Variants in TPO observed in about 807,000 individuals in gnomAD.
TPO encodes thyroid microsomal antigen.
A neutral mutation model predicts 96.9 loss-of-function variants in TPO; 78 were observed. The ratio of observed to expected loss-of-function variants is 0.81; its 90% CI spans 0.67 to 0.97. The LOEUF is 0.97. TPO is among the 50% of genes least tolerant of loss of function. The pLI is 0.00. For missense variants in TPO, 1,252 were observed against 1,274.8 expected, an observed-to-expected ratio of 0.98 and a Z score of 0.27; for synonymous variants, 547 against 538.0, an observed-to-expected ratio of 1.02 and a Z score of -0.23.
intron 15 of TPO, among the ~76,000 whole-genome samples, chr2:1,529,961 A>G (rs1378069811): frequency 2.9e-5 from 2 of 70,036 alleles, no homozygotes; most frequent in South Asian, 5.0e-4. Context: ...ACTCTGTGCA[A>G]CCTCCCGAAA....
chr2:1,496,662 G>A lies in TPO; in HGVS notation c.2283G>A (p.Arg761=). ...GDFVHCEESG[R]RVLVYSCRHG... is the part of the protein sequence containing the mutation. ...TTGTGCACTGTGAGGAGTCTGGGAGGCGCGTGCTGGTGTATTCCTGCCGGC... is the reference window on the plus strand; with the variant it reads ...TTGTGCACTGTGAGGAGTCTGGGAGACGCGTGCTGGTGTATTCCTGCCGGC... The change falls in exon 13 of 17, where the codon AGG becomes AGA. Residue 761 remains arginine, a synonymous_variant. Transcript: ENST00000329066. The A allele has an allele frequency of 6.2e-7, 1 of 1,614,038 alleles. No homozygotes were observed. Among genetic ancestry groups the A allele is most frequent in the Non-Finnish European group, 8.5e-7 (1 of 1,180,016 alleles).
At chr2:1,391,447 G>A (rs1022292923) in intron 1 of TPO, among the ~76,000 whole-genome samples, 19 of 152,268 alleles carry the variant, frequency 1.2e-4, no homozygotes, top group African/African-American at 2.4e-4. Flanking sequence ...GTCAGGTAGC[G>A]TGATGCCTCC....
At chr2:1,491,720 T>C (rs1671784598) in intron 10 of TPO, among the ~76,000 whole-genome samples, 1 of 152,122 alleles carries the variant, frequency 6.6e-6, no homozygotes, top group South Asian at 2.1e-4. Flanking sequence ...GCTGAGAAAT[T>C]TGTGGGGTAT....
At chr2:1,460,690 TGC>T (rs1168173024) in intron 7 of TPO, among the ~76,000 whole-genome samples, 1 of 152,326 alleles carries the variant, frequency 6.6e-6, no homozygotes, top group East Asian at 1.9e-4. Context: ...GTATTGTTAT[TGC>T]TGTGTTGCTG....
At chr2:1,487,297 G>A (rs1249622145) in intron 9 of TPO, among the ~76,000 whole-genome samples, 2 of 152,078 alleles carry the variant, frequency 1.3e-5, no homozygotes, top group Admixed American at 1.3e-4. Context: ...TTCTTTCTGA[G>A]GGTCCATCCC....
At chr2:1,459,655 G>T (rs1668219675) in intron 7 of TPO, among the ~76,000 whole-genome samples, 1 of 152,208 alleles carries the variant, frequency 6.6e-6, no homozygotes, top group African/African-American at 2.4e-5. Context: ...GGCATCTGCA[G>T]AGGAGGTCCC....
In TPO at chr2:1,496,494, C is replaced by A. The variant is rs28991291; in HGVS notation, c.2216-101C>A. ...ACAGCAGGGCTCCCCGGCCCTGGCA[C>A]CAGCCCCTCCAGGGCACAAGCGCAC... On this transcript the variant is annotated intron_variant, in intron 12 of 16. Transcript: ENST00000329066. 1.4e-5 allele frequency: 21 copies of A among 1,532,058 alleles called. No homozygotes were observed. In the East Asian group the frequency reaches 4.7e-4, roughly 35 times the overall value. 94.9% of individuals were successfully genotyped at this position (1,532,058 alleles called of 1,614,324 possible).
chr2:1,388,294 C>T (rs1661934604), intron 1 of TPO, among the ~76,000 whole-genome samples: 1 of 152,170 alleles, frequency 6.6e-6, no homozygotes, highest in South Asian at 2.1e-4. Flanking sequence ...TTTGTCTGTG[C>T]CCTGCCCCCA....
At chr2:1,508,198 C>T (rs573372760) in intron 14 of TPO, among the ~76,000 whole-genome samples, 12 of 152,120 alleles carry the variant, frequency 7.9e-5, no homozygotes, top group African/African-American at 1.9e-4. Flanking sequence ...TATCGATTTG[C>T]GTATGTTGAA....
At chr2:1,483,542 G>T (rs915801645) in intron 8 of TPO, among the ~76,000 whole-genome samples, 1 of 152,218 alleles carries the variant, frequency 6.6e-6, no homozygotes, top group Non-Finnish European at 1.5e-5. Context: ...ACACCTGTGT[G>T]GTTCAGAAAC....
intron 1 of TPO, among the ~76,000 whole-genome samples, chr2:1,390,162 C>A (rs1002222051): frequency 6.6e-6 from 1 of 151,562 alleles, no homozygotes; most frequent in African/African-American, 2.4e-5. Flanking sequence ...AATGCTATCC[C>A]CCCCCAGCTC....
At chr2:1,446,058 T>G (rs1309661519) in intron 5 of TPO, among the ~76,000 whole-genome samples, 1 of 152,192 alleles carries the variant, frequency 6.6e-6, no homozygotes, top group East Asian at 1.9e-4. Flanking sequence ...TATGCAGGGC[T>G]TGGGGGTGAA....
chr2:1,445,284 C>A (rs59378965), intron 5 of TPO, among the ~76,000 whole-genome samples: 6 of 122,974 alleles, frequency 4.9e-5, no homozygotes, highest in South Asian at 3.4e-4. Context: ...GCAGGAGGCA[C>A]CATGTTGGAA....
At chr2:1,485,641 T>A (rs1247548994) in intron 9 of TPO, among the ~76,000 whole-genome samples, 1 of 151,792 alleles carries the variant, frequency 6.6e-6, no homozygotes, top group Non-Finnish European at 1.5e-5. Flanking sequence ...TTGATTTGCA[T>A]TTCTCTGATG....
chr2:1,458,007 A>G (rs532313703), intron 7 of TPO, among the ~76,000 whole-genome samples: 1 of 151,552 alleles, frequency 6.6e-6, no homozygotes, highest in East Asian at 2.0e-4. Context: ...TATATGGCAT[A>G]TAAGATAGTG....
intron 16 of TPO, chr2:1,541,035 A>G: frequency 7.6e-7 from 1 of 1,322,300 alleles, no homozygotes; most frequent in Non-Finnish European, 9.8e-7. Context: ...AGGAAGGAGA[A>G]GCTGAAGCAA....
chr2:1,496,908 A>G, intron 13 of TPO, 143 bp downstream of exon 13: 1 of 1,293,618 alleles, frequency 7.7e-7, no homozygotes, highest in Non-Finnish European at 1.1e-6. Context: ...GATAGAAAGC[A>G]AGGGCTCTCC....
intron 14 of TPO, among the ~76,000 whole-genome samples, chr2:1,507,283 G>A (rs1188083238): frequency 1.3e-5 from 2 of 152,166 alleles, no homozygotes; most frequent in Admixed American, 1.3e-4. Context: ...TTTGGTTACT[G>A]TAGCCTTGTA....
At chr2:1,396,410 C>T (rs111739091) in intron 1 of TPO, among the ~76,000 whole-genome samples, 3 of 152,200 alleles carry the variant, frequency 2.0e-5, no homozygotes, top group African/African-American at 2.4e-5. Context: ...ATAGACGTCC[C>T]GCAGTTCACA....
Sources: gnomAD v4.1 joint callset for allele counts (sites outside exome capture counted in the v4.1 genomes callset) on GRCh38, gnomAD v4.1.1 for gene constraint, MANE v1.5 for transcripts, NCBI Gene and HGNC (gene_info 2026-07-23, HGNC 2026-07-21) for gene names.